The following MOSPD2 variants were observed in gnomAD, a reference collection of about 807,000 sequenced individuals.
MOSPD2 encodes motile sperm domain-containing protein 2.
MOSPD2 carries 5 observed loss-of-function variants against 41.7 expected under a neutral mutation model. That is an observed-to-expected ratio of 0.12 (90% confidence interval 0.06 to 0.25). MOSPD2 has a LOEUF of 0.25. Ranked by LOEUF, MOSPD2 falls within the 10% of genes least tolerant of loss-of-function variation. MOSPD2 has a pLI of 1.00. For synonymous variants in MOSPD2, 115 were observed against 126.9 expected (o/e 0.91, Z 0.63); for missense variants, 282 against 375.2 (o/e 0.75, Z 2.05).
chrX:14,888,206 GCACACACACACACACACA>G lies in MOSPD2; in HGVS notation c.80-4491_80-4474del, dbSNP rs775166629. Among the ~76,000 whole-genome samples, 9 of 56,779 alleles carry G rather than the reference GCACACACACACACACACA, an allele frequency of 1.6e-4. No homozygotes were observed. The East Asian group carries it at 3.1e-3, about 19-fold the overall frequency. The allele number at this position is 56,779 out of a possible 115,157, so 49.3% of individuals were successfully genotyped here. ...ATTGGGAGAATATATACACACACAC[GCACACACACACACACACA>G]CACACACACACACACACACACACAC... is the stretch of plus-strand genomic sequence containing the variant. On this transcript the variant is annotated intron_variant, in intron 2 of 14. Transcript: ENST00000380492.
intron 7 of MOSPD2, 49 bp from the exon 8 acceptor site, chrX:14,908,811 G>T: frequency 9.0e-7 from 1 of 1,116,554 alleles, no homozygotes; most frequent in South Asian, 2.1e-5. Flanking sequence ...TAAATTAATT[G>T]AGACTAGGAA....
intron 3 of MOSPD2, chrX:14,893,349 TCA>T (rs1469930627): frequency 1.8e-5 from 2 of 112,398 alleles, no homozygotes; most frequent in Non-Finnish European, 3.7e-5. Flanking sequence ...AGGAAGCCTA[TCA>T]CAGTCTTCTC....
chrX:14,873,642 G>C, intron 1 of MOSPD2, 47 bp from the exon 2 acceptor site: 1 of 1,198,100 alleles, frequency 8.3e-7, no homozygotes, highest in Non-Finnish European at 1.1e-6. Flanking sequence ...GAGGGTAAGC[G>C]GGTTGATGCA....
rs376053042 is a variant in MOSPD2 at position 14,918,654 on chromosome X, G to C, written c.1317-26G>C. The C allele has an allele frequency of 4.8e-5, 49 of 1,018,404 alleles. No homozygotes were observed. In the African/African-American group the frequency reaches 8.8e-4, roughly 18 times the overall value. The allele number at this position is 1,018,404 out of a possible 1,213,427, so 83.9% of individuals were successfully genotyped here. A position where few individuals can be genotyped will look rare whatever the true frequency, so the allele number is the denominator to read the frequency against. On this transcript the variant is annotated intron_variant, in intron 13 of 14. Transcript: ENST00000380492. ...TATAAGAAAATTAACTTTTTAAGAA[G>C]TTATGTTTTCTTTGGATTTTAATAG...
chrX:14,887,735 TGAGA>T (rs754688967), intron 2 of MOSPD2, among the ~76,000 whole-genome samples: 1,361 of 111,868 alleles, frequency 0.012, 18 homozygotes, highest in Non-Finnish European at 0.02. Flanking sequence ...AAATTGTGTG[TGAGA>T]GAGAAACAGT....
chrX:14,897,621 G>A (rs1234008141), intron 5 of MOSPD2, among the ~76,000 whole-genome samples: 1 of 111,868 alleles, frequency 8.9e-6, no homozygotes, highest in Admixed American at 9.5e-5. Context: ...TATCAAGTAA[G>A]GTAATATACC....
Position 14,920,945 on chromosome X carries a change from T to C in MOSPD2, c.*1136T>C. 1.3e-6 allele frequency: 1 copy of C among 754,250 alleles called. No homozygotes were observed. Among genetic ancestry groups the C allele is most frequent in the Non-Finnish European group, 1.6e-6 (1 of 639,510 alleles). The allele number at this position is 754,250 out of a possible 1,213,427, so 62.2% of individuals were successfully genotyped here. ...CCGTTTAAAGAATGAAAAATGTAACTCATGATGATCTGTGAAACCTTCAAA... is the reference window on the plus strand; with the variant it reads ...CCGTTTAAAGAATGAAAAATGTAACCCATGATGATCTGTGAAACCTTCAAA... On this transcript the variant is annotated 3_prime_UTR_variant, in exon 15 of 15. Transcript: ENST00000380492.
chrX:14,879,585 T>TG (rs1265883414), intron 2 of MOSPD2, among the ~76,000 whole-genome samples: 3 of 111,369 alleles, frequency 2.7e-5, no homozygotes, highest in Non-Finnish European at 5.7e-5. Context: ...AAGAAACTTT[T>TG]GGGGGGTCTG....
At chrX:14,885,433 C>T (rs775305128) in intron 2 of MOSPD2, 3 of 112,175 alleles carry the variant, frequency 2.7e-5, no homozygotes, top group Non-Finnish European at 5.6e-5. Context: ...GAGGACATCA[C>T]ATTGGAAATT....
chrX:14,878,279 G>A, intron 2 of MOSPD2, among the ~76,000 whole-genome samples: 1 of 111,221 alleles, frequency 9.0e-6, no homozygotes, highest in Non-Finnish European at 1.9e-5. Flanking sequence ...TCAGGCCTTT[G>A]CTCATATGTG....
At chrX:14,904,292 C>G (rs1287949400) in intron 7 of MOSPD2, among the ~76,000 whole-genome samples, 2 of 111,852 alleles carry the variant, frequency 1.8e-5, no homozygotes, top group African/African-American at 6.5e-5. Flanking sequence ...GATTATACAC[C>G]ATGACCAAGT....
chrX:14,873,870 C>A, intron 2 of MOSPD2, 112 bp downstream of exon 2: 1 of 623,723 alleles, frequency 1.6e-6, no homozygotes, highest in Non-Finnish European at 2.7e-6. Context: ...TCGACCCTCA[C>A]AGGAATGATG....
At chrX:14,916,424 C>T in intron 13 of MOSPD2, 98 bp downstream of exon 13, 7 of 1,139,738 alleles carry the variant, frequency 6.1e-6, no homozygotes, top group Non-Finnish European at 8.2e-6. Context: ...CTTCTTGCAT[C>T]TGCTGGGTGC....
At chrX:14,886,512 T>TAC (rs752460527) in intron 2 of MOSPD2, among the ~76,000 whole-genome samples, 1,148 of 97,078 alleles carry the variant, frequency 0.012, 8 homozygotes, top group Non-Finnish European at 0.016. Context: ...TACACACACA[T>TAC]ACACACACAC....
chrX:14,918,248 T>C (rs2092603675), intron 13 of MOSPD2, among the ~76,000 whole-genome samples: 1 of 111,798 alleles, frequency 8.9e-6, no homozygotes, highest in Admixed American at 9.5e-5. Context: ...GTTTTTTGCT[T>C]TACCAATTAC....
At position 14,891,715 on chromosome X, in the gene MOSPD2, C is replaced by T. The variant is rs1459688883; in HGVS notation, c.80-1008C>T. On this transcript the variant is annotated intron_variant, in intron 2 of 14. Coordinates refer to ENST00000380492, the MANE Select transcript of MOSPD2 (RefSeq NM_152581.4). ...CCCTGGTAGCTGAGACTACAGGGTG[C>T]GCCACCACGCCCAGCTAATTTTTGT... 2.8e-5 allele frequency among the ~76,000 whole-genome samples: 3 copies of T among 108,790 alleles called. No homozygotes were observed. In the South Asian group the frequency reaches 1.2e-3, roughly 44 times the overall value. 94.5% of individuals were successfully genotyped at this position (108,790 alleles called of 115,157 possible).
At chrX:14,912,868 G>A (rs1487848524) in intron 10 of MOSPD2, among the ~76,000 whole-genome samples, 1 of 112,006 alleles carries the variant, frequency 8.9e-6, no homozygotes, top group Non-Finnish European at 1.9e-5. Flanking sequence ...TCTCACTGAT[G>A]ATGTTTTTGG....
At chrX:14,917,556 G>A (rs1455547222) in intron 13 of MOSPD2, among the ~76,000 whole-genome samples, 1 of 111,732 alleles carries the variant, frequency 8.9e-6, no homozygotes, top group Non-Finnish European at 1.9e-5. Flanking sequence ...ACTAGACGGT[G>A]GGCAGTGATA....
intron 13 of MOSPD2, among the ~76,000 whole-genome samples, chrX:14,916,566 A>G (rs1171104025): frequency 2.7e-5 from 3 of 112,335 alleles, no homozygotes; most frequent in African/African-American, 6.5e-5. Flanking sequence ...AGATTGTCTC[A>G]GCAGTTCTCC....
Sources: allele counts gnomAD v4.1 joint callset (sites outside exome capture counted in the v4.1 genomes callset), GRCh38; gene constraint gnomAD v4.1.1; transcripts MANE v1.5; gene names NCBI Gene and HGNC (gene_info 2026-07-23, HGNC 2026-07-21).